The following VASP variants were observed in gnomAD, a reference collection of about 807,000 sequenced individuals.
The protein encoded by VASP is vasodilator stimulated phosphoprotein, also known as vasodilator-stimulated phosphoprotein.
VASP carries 27 observed loss-of-function variants against 54.4 expected under a neutral mutation model. The observed-to-expected ratio is 0.50, with a 90% CI of 0.37 to 0.68. VASP has a LOEUF of 0.68. Ranked by LOEUF, VASP falls within the 30% of genes least tolerant of loss-of-function variation. The pLI is 0.00. For synonymous variants in VASP, 233 were observed against 209.8 expected (o/e 1.11, Z -0.96); for missense variants, 488 against 528.3 (o/e 0.92, Z 0.75).
At chr19:45,508,309 C>T (rs778287745) in intron 1 of VASP, among the ~76,000 whole-genome samples, 53 of 152,346 alleles carry the variant, frequency 3.5e-4, no homozygotes, top group Middle Eastern at 6.8e-3. Flanking sequence ...ACTTCTTAAT[C>T]CCCTGGATTT....
At chr19:45,521,430 A>G (rs1968831648) in intron 4 of VASP, 24 bp downstream of exon 4, 1 of 1,513,994 alleles carries the variant, frequency 6.6e-7, no homozygotes, top group Non-Finnish European at 8.8e-7. Context: ...CTGGGTGGGG[A>G]ACCTTAGCCG....
chr19:45,517,703 T>G lies in VASP; in HGVS notation c.46T>G (p.Tyr16Asp). Residue 16 changes from tyrosine to aspartate, a missense_variant, in exon 2 of 13, where the codon TAT becomes GAT. By Grantham distance (160) the Tyr-to-Asp change is radical. This residue lies in a region of VASP where 127 missense variants were observed against 170.7 expected (regional missense o/e 0.74). Transcript: ENST00000245932. ...TTCCAGCCGGGCCACTGTGATGCTT[T>G]ATGATGATGGCAACAAGCGATGGCT... is the stretch of plus-strand genomic sequence containing the variant. ...ICSSRATVML[Y>D]DDGNKRWLPA... 1.2e-6 allele frequency: 2 copies of G among 1,612,260 alleles called. No homozygotes were observed. Among genetic ancestry groups the G allele is most frequent in the Non-Finnish European group, 1.7e-6 (2 of 1,180,024 alleles).
chr19:45,526,345 C>A lies in VASP; in HGVS notation c.*168C>A. 1 of 765,368 alleles carries A rather than the reference C, an allele frequency of 1.3e-6. No homozygotes were observed. Among genetic ancestry groups the A allele is most frequent in the Non-Finnish European group, 2.0e-6 (1 of 509,190 alleles). 47.4% of individuals were successfully genotyped at this position (765,368 alleles called of 1,614,324 possible). A position where few individuals can be genotyped will look rare whatever the true frequency, so the allele number is the denominator to read the frequency against. ...CAAGGGGGTGTGGCTTCCCTGCTCACACCCACACTGGCTGCTGATTGGCTG... is the reference window on the plus strand; with the variant it reads ...CAAGGGGGTGTGGCTTCCCTGCTCAAACCCACACTGGCTGCTGATTGGCTG... On this transcript the variant is annotated 3_prime_UTR_variant, in exon 13 of 13. Coordinates refer to ENST00000245932, the MANE Select transcript of VASP (RefSeq NM_003370.4).
intron 7 of VASP, among the ~76,000 whole-genome samples, chr19:45,523,390 A>G (rs1404305904): frequency 6.6e-6 from 1 of 151,710 alleles, no homozygotes; most frequent in African/African-American, 2.4e-5. Flanking sequence ...TTTAGTAGAC[A>G]CAGGATTTCA....
At chr19:45,522,642 G>T in intron 6 of VASP, 61 bp downstream of exon 6, 1 of 1,558,020 alleles carries the variant, frequency 6.4e-7, no homozygotes. Context: ...TGAGGCCAGG[G>T]CTGCCGGCGG....
At chr19:45,522,252 G>A (rs1451324212) in intron 5 of VASP, 35 bp downstream of exon 5, 2 of 1,614,040 alleles carry the variant, frequency 1.2e-6, no homozygotes, top group African/African-American at 2.7e-5. Context: ...TTGGGAGGGG[G>A]CCTCCCTGGA....
intron 1 of VASP, among the ~76,000 whole-genome samples, chr19:45,514,774 A>C (rs978302711): frequency 6.6e-6 from 1 of 152,006 alleles, no homozygotes; most frequent in African/African-American, 2.4e-5. Flanking sequence ...CTGCCTTGCC[A>C]GGGGCAGCAG....
In VASP at chr19:45,522,521, A is replaced by G; in HGVS notation, c.660A>G (p.Gly220=). 1 of 1,455,526 alleles carries G rather than the reference A, an allele frequency of 6.9e-7. No homozygotes were observed. Among genetic ancestry groups the G allele is most frequent in the Non-Finnish European group, 9.0e-7 (1 of 1,108,820 alleles). The allele number at this position is 1,455,526 out of a possible 1,614,324, so 90.2% of individuals were successfully genotyped here. The part of the protein sequence containing the change: ...LPAAQGPGGG[G]AGAPGLAAAI... ...CAGCACAGGGCCCTGGTGGTGGGGG[A>G]GCTGGGGCCCCAGGCCTGGCCGCAG... is the stretch of plus-strand genomic sequence containing the variant. Residue 220 remains glycine, a synonymous_variant, in exon 6 of 13, where the codon GGA becomes GGG. Coordinates refer to ENST00000245932, the MANE Select transcript of VASP (RefSeq NM_003370.4).
At chr19:45,524,005 C>T (rs983543625) in intron 9 of VASP, 92 bp from the exon 10 acceptor site, 7 of 1,609,324 alleles carry the variant, frequency 4.3e-6, no homozygotes, top group Non-Finnish European at 5.9e-6. Flanking sequence ...TGAGATGGGG[C>T]TTTGATCAGG....
intron 10 of VASP, 198 bp from the exon 11 acceptor site, chr19:45,524,372 C>T (rs533415676): frequency 4.5e-6 from 3 of 671,434 alleles, no homozygotes; most frequent in South Asian, 1.8e-5. Context: ...TGCACTCCAG[C>T]CTGAGAAATA....
intron 1 of VASP, among the ~76,000 whole-genome samples, chr19:45,512,961 C>CA (rs1281830686): frequency 1.3e-5 from 2 of 152,164 alleles, no homozygotes; most frequent in African/African-American, 2.4e-5. Context: ...TTAAAAATTT[C>CA]AATTTAGCTC....
chr19:45,523,928 C>CT (rs1568390843), intron 9 of VASP, 51 bp downstream of exon 9: 1 of 1,612,422 alleles, frequency 6.2e-7, no homozygotes, highest in Non-Finnish European at 8.5e-7. Context: ...CCAGAATACT[C>CT]TGTTCTCACA....
chr19:45,526,830 G>A lies in VASP; in HGVS notation c.*653G>A, dbSNP rs1335802640. 1 of 151,910 alleles carries A rather than the reference G, an allele frequency of 6.6e-6. No individual in the cohort carries two copies. The highest frequency in any genetic ancestry group is 1.5e-5 in the Non-Finnish European group (1 of 67,992). 9.4% of individuals were successfully genotyped at this position (151,910 alleles called of 1,614,324 possible). A position where few individuals can be genotyped will look rare whatever the true frequency, so the allele number is the denominator to read the frequency against. On this transcript the variant is annotated 3_prime_UTR_variant, in exon 13 of 13. Coordinates refer to ENST00000245932, the MANE Select transcript of VASP (RefSeq NM_003370.4). ...ACCTCAGTTTTTTGATTTTTTATTT[G>A]GGTAGGTTTTGGGGTCCAGGCCATT...
chr19:45,517,990 A>G lies in VASP; in HGVS notation c.239A>G (p.His80Arg). Residue 80 changes from histidine to arginine, a missense_variant, in exon 3 of 13, where the codon CAT becomes CGT. Physicochemically the swap from His to Arg is conservative, Grantham distance 29. Coordinates refer to ENST00000245932, the MANE Select transcript of VASP (RefSeq NM_003370.4). ...TATAACCAGGCCACCCCCAACTTCC[A>G]TCAGTGGCGCGACGCTCGCCAGGTC... ...VKYNQATPNF[H>R]QWRDARQVWG... The G allele has an allele frequency of 6.2e-7, 1 of 1,612,080 alleles. No individual in the cohort carries two copies. The highest frequency in any genetic ancestry group is 8.5e-7 in the Non-Finnish European group (1 of 1,179,502).
rs1017058350 is a variant in VASP at position 45,507,633 on chromosome 19, A to G, written c.-139A>G. The G allele has an allele frequency of 8.8e-7, 1 of 1,130,284 alleles. No individual in the cohort carries two copies. Among genetic ancestry groups the G allele is most frequent in the Non-Finnish European group, 1.2e-6 (1 of 819,044 alleles). 70.0% of individuals were successfully genotyped at this position (1,130,284 alleles called of 1,614,324 possible). On this transcript the variant is annotated 5_prime_UTR_variant, in exon 1 of 13. Transcript: ENST00000245932. This position sits in a 1 kb window ranked among gnomAD's most constrained non-coding sequence, Gnocchi z 4.4. Reference sequence around the variant, plus strand: ...CCCCGGCCCGGTCCACATTCTCCCCAGGAAGCCGGACTCTATGGGGCGGGA... The same window carrying G: ...CCCCGGCCCGGTCCACATTCTCCCCGGGAAGCCGGACTCTATGGGGCGGGA...
At chr19:45,525,189 G>A (rs1313970810) in intron 11 of VASP, 1 of 155,854 alleles carries the variant, frequency 6.4e-6, no homozygotes, top group Non-Finnish European at 1.4e-5. Context: ...GCTGAGGTGG[G>A]AGCATTGCTT....
chr19:45,513,911 T>C (rs184483685), intron 1 of VASP, among the ~76,000 whole-genome samples: 83 of 152,316 alleles, frequency 5.4e-4, no homozygotes, highest in African/African-American at 1.9e-3. Context: ...GAGTCCCTAC[T>C]ATGTGTTGGA....
In VASP at chr19:45,522,327, G is replaced by C. The variant is rs754933536; in HGVS notation, c.479-13G>C. ...CTCTCTCTCAGCTGCCCCCTTTTCT[G>C]TGTTTGTTTCAGGAGGCCCACCTGC... On this transcript the variant is annotated splice_polypyrimidine_tract_variant and intron_variant, in intron 5 of 12. Transcript: ENST00000245932. 1 of 1,610,112 alleles carries C rather than the reference G, an allele frequency of 6.2e-7. No homozygotes were observed. The highest frequency in any genetic ancestry group is 8.5e-7 in the Non-Finnish European group (1 of 1,178,514).
chr19:45,517,729 C>T lies in VASP; in HGVS notation c.72C>T (p.Leu24=). The T allele has an allele frequency of 6.2e-7, 1 of 1,613,344 alleles. No individual in the cohort carries two copies. The highest frequency in any genetic ancestry group is 8.5e-7 in the Non-Finnish European group (1 of 1,180,026). Residue 24 remains leucine (L), a synonymous_variant, in exon 2 of 13, where the codon CTC becomes CTT. Transcript: ENST00000245932. ...MLYDDGNKRW[L]PAGTGPQAFS... ...ATGATGATGGCAACAAGCGATGGCT[C>T]CCTGCTGGCACGGGTCCCCAGGCCT...
Sources: allele counts gnomAD v4.1 joint callset (sites outside exome capture counted in the v4.1 genomes callset), GRCh38; gene constraint gnomAD v4.1.1; regional missense constraint gnomAD v4.1.1; non-coding constraint Gnocchi (gnomAD v3.1); transcripts MANE v1.5; gene names NCBI Gene and HGNC (gene_info 2026-07-23, HGNC 2026-07-21).